The following COL4A2 variants were observed in gnomAD, a reference collection of about 807,000 sequenced individuals.
The protein encoded by COL4A2 is collagen type IV alpha 2 chain.
COL4A2 carries 99 observed loss-of-function variants against 200.2 expected under a neutral mutation model. The ratio of observed to expected loss-of-function variants is 0.49; its 90% CI spans 0.42 to 0.58. The LOEUF is 0.58. COL4A2 is among the 20% of genes least tolerant of loss of function. The pLI, the probability that COL4A2 is intolerant of heterozygous loss-of-function variation, is 0.00. For synonymous variants in COL4A2, 897 were observed against 900.6 expected (o/e 1.00, Z 0.07); for missense variants, 1,950 against 2,314.1 (o/e 0.84, Z 3.23).
intron 4 of COL4A2, among the ~76,000 whole-genome samples, chr13:110,361,818 A>G (rs9555691): frequency 6.6e-6 from 1 of 152,052 alleles, no homozygotes; most frequent in Non-Finnish European, 1.5e-5. Flanking sequence ...GGAGCTGTGT[A>G]CCGGCTGCTT....
intron 31 of COL4A2, 53 bp downstream of exon 31, chr13:110,480,443 C>T (rs1309449390): frequency 6.5e-7 from 1 of 1,536,172 alleles, no homozygotes; most frequent in East Asian, 2.3e-5. Context: ...TGGGTCTAAT[C>T]AACTCTGACC....
chr13:110,487,353 C>T (rs570815010), intron 34 of COL4A2, among the ~76,000 whole-genome samples: 13 of 152,216 alleles, frequency 8.5e-5, no homozygotes, highest in African/African-American at 2.7e-4. Context: ...CTGGGGAGGC[C>T]GAGGCGGAAG....
chr13:110,390,344 G>T (rs1878939934), intron 4 of COL4A2, among the ~76,000 whole-genome samples: 1 of 152,254 alleles, frequency 6.6e-6, no homozygotes, highest in Admixed American at 6.5e-5. Context: ...TGGAGTCTCT[G>T]TCTCCACAGA....
chr13:110,438,560 T>G, intron 14 of COL4A2, 58 bp from the exon 15 acceptor site: 1 of 1,605,340 alleles, frequency 6.2e-7, no homozygotes, highest in Non-Finnish European at 8.5e-7. Context: ...ACGTGGGCCC[T>G]GTTGGCTGGA....
chr13:110,428,118 T>C (rs1029084977), intron 6 of COL4A2, among the ~76,000 whole-genome samples: 5 of 152,174 alleles, frequency 3.3e-5, no homozygotes, highest in African/African-American at 1.2e-4. Flanking sequence ...GAGAAGGAGG[T>C]AGCTGCTTCT....
intron 12 of COL4A2, chr13:110,436,030 G>A (rs894754221): frequency 2.0e-5 from 13 of 634,622 alleles, no homozygotes; most frequent in Non-Finnish European, 3.6e-5. Context: ...GTCCAGAATT[G>A]TAAACAACCT....
intron 3 of COL4A2, among the ~76,000 whole-genome samples, chr13:110,321,914 C>T (rs191142820): frequency 6.6e-6 from 1 of 152,258 alleles, no homozygotes; most frequent in East Asian, 1.9e-4. Context: ...CCACCTGGCC[C>T]CACCCTTGAC....
chr13:110,415,737 C>T (rs1261097290), intron 4 of COL4A2, among the ~76,000 whole-genome samples: 3 of 152,254 alleles, frequency 2.0e-5, no homozygotes, highest in African/African-American at 4.8e-5. Flanking sequence ...GGAAGACAGG[C>T]GGCCTGCTTG....
rs1022218405 is a variant in COL4A2, at chr13:110,408,916, TGCAC to T, written c.181-15817_181-15814del. Among the ~76,000 whole-genome samples the T allele has an allele frequency of 8.6e-5, 7 of 80,944 alleles. 1 individual carries two copies. Among genetic ancestry groups the T allele is most frequent in the Non-Finnish European group, 1.7e-4 (7 of 41,082 alleles). The allele number at this position is 80,944 out of a possible 152,430, so 53.1% of individuals were successfully genotyped here. On this transcript the variant is annotated intron_variant, in intron 4 of 47. Transcript: ENST00000360467. ...GTTTACACACATGCAGATATACACA[TGCAC>T]ACACACGTACACACGCACACATATA...
At chr13:110,321,308 T>G (rs898074147) in intron 3 of COL4A2, among the ~76,000 whole-genome samples, 2 of 152,078 alleles carry the variant, frequency 1.3e-5, no homozygotes, top group South Asian at 4.1e-4. Context: ...TTTTTTTCAT[T>G]GTTTTAAATT....
At chr13:110,464,555 C>T (rs536177570) in intron 24 of COL4A2, among the ~76,000 whole-genome samples, 2 of 146,832 alleles carry the variant, frequency 1.4e-5, no homozygotes, top group South Asian at 4.3e-4. Flanking sequence ...CAGGGGTACA[C>T]CACTTAATCA....
At chr13:110,326,116 AC>A in intron 3 of COL4A2, among the ~76,000 whole-genome samples, 1 of 152,018 alleles carries the variant, frequency 6.6e-6, no homozygotes, top group African/African-American at 2.4e-5. Flanking sequence ...TTTGCTCAGA[AC>A]CCAGATGGCA....
At position 110,481,488 on chromosome 13, in the gene COL4A2, A is replaced by ATTGCTGGAGACACACT. The variant is rs1882912582; in HGVS notation, c.2759-1028_2759-1027insTTGCTGGAGACACACT. On this transcript the variant is annotated intron_variant, in intron 31 of 47. Coordinates refer to ENST00000360467, the MANE Select transcript of COL4A2 (RefSeq NM_001846.4). The stretch of plus-strand genomic sequence containing the variant: ...TGTCCCTCCGTTGCTGGAGACACAC[A>ATTGCTGGAGACACACT]GTTCTGTCCTTCCATTGCTGGAGAC... 3.6e-4 allele frequency among the ~76,000 whole-genome samples: 2 copies of ATTGCTGGAGACACACT among 5,544 alleles called. 1 individual carries two copies. Among genetic ancestry groups the ATTGCTGGAGACACACT allele is most frequent in the Non-Finnish European group, 7.7e-4 (2 of 2,598 alleles). The allele number at this position is 5,544 out of a possible 152,430, so 3.6% of individuals were successfully genotyped here.
chr13:110,485,679 C>T lies in COL4A2; in HGVS notation c.3050C>T (p.Pro1017Leu). ...AKGIQGMPGI[P>L]GLSGIPGLPG... ...GGTATCCAAGGAATGCCAGGCATCC[C>T]AGGGCTGTCAGGAATCCCTGGGCTG... Residue 1017 changes from proline to leucine, a missense_variant, in exon 34 of 48, where the codon CCA (proline) becomes CTA (leucine). Pro to Leu is a moderately conservative substitution (Grantham distance 98). Coordinates refer to ENST00000360467, the MANE Select transcript of COL4A2 (RefSeq NM_001846.4). 6.2e-7 allele frequency: 1 copy of T among 1,611,084 alleles called. No homozygotes were observed. Among genetic ancestry groups the T allele is most frequent in the Non-Finnish European group, 8.5e-7 (1 of 1,178,464 alleles).
Position 110,466,063 on chromosome 13 carries a change from G to A in COL4A2, c.2038+1G>A. On this transcript the variant is annotated splice_donor_variant, in intron 26 of 47. Coordinates refer to ENST00000360467, the MANE Select transcript of COL4A2 (RefSeq NM_001846.4). LOFTEE classifies it high-confidence loss of function. ...GACAGACAGGAGGCCATCCAGCCAGGTACTCTGGGAAGTGCAGGTGGCTTT... is the reference window on the plus strand; with the variant it reads ...GACAGACAGGAGGCCATCCAGCCAGATACTCTGGGAAGTGCAGGTGGCTTT... 2.5e-6 allele frequency: 4 copies of A among 1,613,586 alleles called. No homozygotes were observed. The highest frequency in any genetic ancestry group is 3.4e-6 in the Non-Finnish European group (4 of 1,179,608).
chr13:110,419,644 G>A (rs1293067095), intron 4 of COL4A2, among the ~76,000 whole-genome samples: 2 of 152,212 alleles, frequency 1.3e-5, no homozygotes, highest in Non-Finnish European at 2.9e-5. Context: ...TGGTATTTGA[G>A]TAATGTGGGT....
In COL4A2 at chr13:110,484,419, C is replaced by T. The variant is rs561864485; in HGVS notation, c.2903-486C>T. Among the ~76,000 whole-genome samples the T allele has an allele frequency of 3.2e-4, 49 of 152,162 alleles. 1 individual carries two copies. In the South Asian group the frequency reaches 9.5e-3, roughly 30 times the overall value. On this transcript the variant is annotated intron_variant, in intron 32 of 47. Transcript: ENST00000360467. ...CCCGGCCCGCAGCTCTGGGCCCCTC[C>T]CCTCCTGCAATTTCTCAGCTCCTCA...
At chr13:110,454,616 C>T (rs758070270) in intron 20 of COL4A2, among the ~76,000 whole-genome samples, 5 of 152,232 alleles carry the variant, frequency 3.3e-5, no homozygotes, top group Non-Finnish European at 7.4e-5. Flanking sequence ...GTGCGGCCGC[C>T]TCTCCTCCTG....
intron 3 of COL4A2, among the ~76,000 whole-genome samples, chr13:110,342,070 C>A (rs1273135944): frequency 6.6e-6 from 1 of 150,674 alleles, no homozygotes; most frequent in African/African-American, 2.4e-5. Context: ...TCCCAAGTGA[C>A]CCTGGCTCAT....
Sources: gnomAD v4.1 joint callset for allele counts (sites outside exome capture counted in the v4.1 genomes callset) on GRCh38, gnomAD v4.1.1 for gene constraint, MANE v1.5 for transcripts, NCBI Gene and HGNC (gene_info 2026-07-23, HGNC 2026-07-21) for gene names.